The following RAPH1 variants were observed in gnomAD, a reference collection of about 807,000 sequenced individuals.
RAPH1 encodes the protein ras-associated and pleckstrin homology domains-containing protein 1.
RAPH1 carries 18 observed loss-of-function variants against 88.1 expected under a neutral mutation model. That is an observed-to-expected ratio of 0.20 (90% CI 0.14 to 0.30). The LOEUF is 0.30. Among genes scored for constraint, RAPH1 ranks in the 10% least tolerant of loss-of-function variants. The probability of loss-of-function intolerance (pLI) is 1.00; values close to 1 mark genes in which losing one functional copy is unlikely to be tolerated. For synonymous variants in RAPH1, 587 were observed against 559.0 expected, an observed-to-expected ratio of 1.05 and a Z score of -0.71; for missense variants, 1,448 against 1,543.2, an observed-to-expected ratio of 0.94 and a Z score of 1.03.
chr2:203,455,652 T>C (rs1559457143), intron 8 of RAPH1, 72 bp from the exon 9 acceptor site: 12 of 1,400,980 alleles, frequency 8.6e-6, no homozygotes, highest in African/African-American at 1.4e-5. Context: ...TTTACTCCTG[T>C]GAAATGCATG....
At chr2:203,501,993 C>G (rs1271043667) in intron 1 of RAPH1, among the ~76,000 whole-genome samples, 1 of 152,164 alleles carries the variant, frequency 6.6e-6, no homozygotes, top group Non-Finnish European at 1.5e-5. Context: ...TCTTGATTAA[C>G]AAATTCTCTA....
intron 3 of RAPH1, among the ~76,000 whole-genome samples, chr2:203,490,534 G>C (rs1399242002): frequency 1.5e-4 from 23 of 152,182 alleles, no homozygotes; most frequent in Non-Finnish European, 2.9e-5. Flanking sequence ...GAATACAACA[G>C]ATAAAGGCCA....
At chr2:203,482,329 G>A (rs922779367) in intron 4 of RAPH1, among the ~76,000 whole-genome samples, 2 of 152,108 alleles carry the variant, frequency 1.3e-5, no homozygotes, top group Non-Finnish European at 2.9e-5. Context: ...GGGATTACAG[G>A]TGCCCGCCAC....
intron 4 of RAPH1, among the ~76,000 whole-genome samples, chr2:203,465,497 A>G (rs1559464999): frequency 6.6e-6 from 1 of 152,272 alleles, no homozygotes; most frequent in African/African-American, 2.4e-5. Context: ...AGGAATGAAT[A>G]GGCAGAGCAC....
Position 203,499,834 on chromosome 2 carries a change from G to A in RAPH1, c.1-4481C>T, listed in dbSNP as rs185316014. On this transcript the variant is annotated intron_variant, in intron 1 of 13. Coordinates refer to ENST00000319170, the MANE Select transcript of RAPH1 (RefSeq NM_213589.3). ...CCATTCTCTAAATGCTGATGTTGAT[G>A]AACCTTATTCTCCAATTCCCCAATA... 3.5e-3 allele frequency among the ~76,000 whole-genome samples: 532 copies of A among 152,324 alleles called. 3 individuals are homozygous for A. The highest frequency in any genetic ancestry group is 0.012 in the African/African-American group (502 of 41,568).
intron 4 of RAPH1, among the ~76,000 whole-genome samples, chr2:203,472,424 G>A (rs2098533996): frequency 6.6e-6 from 1 of 152,156 alleles, no homozygotes; most frequent in African/African-American, 2.4e-5. Flanking sequence ...GAGCCACTGT[G>A]CCCAGCCACG....
chr2:203,506,809 T>TATATATATAG (rs1689056378), intron 1 of RAPH1, among the ~76,000 whole-genome samples: 1 of 102,288 alleles, frequency 9.8e-6, no homozygotes, highest in African/African-American at 5.3e-5. Context: ...TATATATCTA[T>TATATATATAG]ATCTATATAT....
At chr2:203,534,832 C>T (rs1295063570) in intron 1 of RAPH1, among the ~76,000 whole-genome samples, 1 of 152,010 alleles carries the variant, frequency 6.6e-6, no homozygotes, top group Non-Finnish European at 1.5e-5. Context: ...CCCAGGCGGC[C>T]CCTTATCTCA....
At chr2:203,507,969 T>C (rs952410770) in intron 1 of RAPH1, among the ~76,000 whole-genome samples, 5 of 151,610 alleles carry the variant, frequency 3.3e-5, no homozygotes, top group African/African-American at 1.2e-4. Flanking sequence ...TCCCAGCACT[T>C]TGGGAGGCTG....
chr2:203,484,613 G>A (rs1489170898), intron 4 of RAPH1, among the ~76,000 whole-genome samples: 1 of 152,222 alleles, frequency 6.6e-6, no homozygotes, highest in Non-Finnish European at 1.5e-5. Flanking sequence ...TCCAAGAGAA[G>A]CTGAATGCTG....
At chr2:203,454,052 C>CCCT (rs1472639983) in intron 10 of RAPH1, among the ~76,000 whole-genome samples, 1 of 152,130 alleles carries the variant, frequency 6.6e-6, no homozygotes, top group Non-Finnish European at 1.5e-5. Flanking sequence ...GGACACAGTG[C>CCCT]CCTCTGATGG....
chr2:203,454,850 G>C (rs912380014), intron 9 of RAPH1, among the ~76,000 whole-genome samples: 11 of 152,058 alleles, frequency 7.2e-5, no homozygotes, highest in African/African-American at 2.7e-4. Flanking sequence ...GTATAATAGA[G>C]CTCTCTGGAA....
At chr2:203,531,395 G>C (rs1183722251) in intron 1 of RAPH1, among the ~76,000 whole-genome samples, 1 of 145,122 alleles carries the variant, frequency 6.9e-6, no homozygotes, top group Non-Finnish European at 1.5e-5. Context: ...ATCAGAACTT[G>C]AAGTATAAAA....
rs770083093 is a variant in RAPH1, at chr2:203,438,192, C to T, written c.*1245G>A. ...GCAGTCAGCAAGGGTCCTGGTAGCC[C>T]CAGTAGCTATAAATGAAACTGTCTT... is the stretch of plus-strand genomic sequence containing the variant. On this transcript the variant is annotated 3_prime_UTR_variant, in exon 14 of 14. Coordinates refer to ENST00000319170, the MANE Select transcript of RAPH1 (RefSeq NM_213589.3). 3 of 518,578 alleles carry T rather than the reference C, an allele frequency of 5.8e-6. No homozygotes were observed. The highest frequency in any genetic ancestry group is 1.9e-5 in the Admixed American group (1 of 51,552). 32.1% of individuals were successfully genotyped at this position (518,578 alleles called of 1,614,324 possible).
At chr2:203,502,745 T>C (rs912864273) in intron 1 of RAPH1, among the ~76,000 whole-genome samples, 2 of 143,108 alleles carry the variant, frequency 1.4e-5, no homozygotes, top group Non-Finnish European at 3.1e-5. Context: ...GCGTGAACCC[T>C]GGAGGTGGAG....
chr2:203,442,093 TAAAG>T (rs1553618736), intron 13 of RAPH1: 15 of 1,592,518 alleles, frequency 9.4e-6, no homozygotes, highest in Non-Finnish European at 1.2e-5. Flanking sequence ...GGAAAATACA[TAAAG>T]AAATGCTTTG....
At chr2:203,532,028 A>G (rs1011912766) in intron 1 of RAPH1, among the ~76,000 whole-genome samples, 1 of 152,238 alleles carries the variant, frequency 6.6e-6, no homozygotes, top group Admixed American at 6.5e-5. Flanking sequence ...ATACAACGGA[A>G]TATTAATCAG....
rs566237475 is a variant in RAPH1 at position 203,504,670 on chromosome 2, TAAA to T, written c.1-9320_1-9318del. 2.8e-5 allele frequency among the ~76,000 whole-genome samples: 4 copies of T among 141,154 alleles called. No individual in the cohort carries two copies. In the East Asian group the frequency reaches 8.4e-4, roughly 30 times the overall value. The allele number at this position is 141,154 out of a possible 152,430, so 92.6% of individuals were successfully genotyped here. A position where few individuals can be genotyped will look rare whatever the true frequency, so the allele number is the denominator to read the frequency against. On this transcript the variant is annotated intron_variant, in intron 1 of 13. Coordinates refer to ENST00000319170, the MANE Select transcript of RAPH1 (RefSeq NM_213589.3). ...TTCTGCAGCTGGATTGAATTTCTCC[TAAA>T]AAAAAAAAAAAAGTTTGTCTTTTCT... is the stretch of plus-strand genomic sequence containing the variant.
intron 1 of RAPH1, among the ~76,000 whole-genome samples, chr2:203,514,516 C>T (rs1182307745): frequency 6.6e-6 from 1 of 151,848 alleles, no homozygotes; most frequent in Admixed American, 6.6e-5. Flanking sequence ...AGCAGTATCC[C>T]CCCAGGGTGG....
Sources: allele counts gnomAD v4.1 joint callset (sites outside exome capture counted in the v4.1 genomes callset), GRCh38; gene constraint gnomAD v4.1.1; transcripts MANE v1.5; gene names NCBI Gene and HGNC (gene_info 2026-07-23, HGNC 2026-07-21).